The following TCERG1 variants were observed in gnomAD, a reference collection of about 807,000 sequenced individuals.
The protein encoded by TCERG1 is TATA box binding protein (TBP)-associated factor, RNA polymerase II, S, 150kD.
TCERG1 carries 37 observed loss-of-function variants against 144.7 expected under a neutral mutation model. That is an observed-to-expected ratio of 0.26 (90% CI 0.20 to 0.34). The LOEUF is 0.34. Ranked by LOEUF, TCERG1 falls within the 10% of genes least tolerant of loss-of-function variation. The pLI, the probability that TCERG1 is intolerant of heterozygous loss-of-function variation, is 1.00. For synonymous variants in TCERG1, 492 were observed against 458.2 expected (o/e 1.07, Z -0.94); for missense variants, 1,027 against 1,380.7 (o/e 0.74, Z 4.06).
chr5:146,458,541 C>T (rs959652033), intron 3 of TCERG1, among the ~76,000 whole-genome samples: 3 of 151,290 alleles, frequency 2.0e-5, no homozygotes, highest in Non-Finnish European at 2.9e-5. Context: ...GGTATGATCT[C>T]GGCGCACTGC....
At chr5:146,508,995 A>G (rs1317648299) in intron 21 of TCERG1, 150 bp from the exon 22 acceptor site, 2 of 460,476 alleles carry the variant, frequency 4.3e-6, no homozygotes, top group African/African-American at 2.0e-5. Context: ...AATTTTATAT[A>G]TGAACAAAAT....
In TCERG1 at chr5:146,473,754, A is replaced by G. The variant is rs546838709; in HGVS notation, c.1601+2178A>G. ...GGATAACAGCATATCTGTTGATAGC[A>G]TGGTTTACTGAGTTAAGCCCACTGT... On this transcript the variant is annotated intron_variant, in intron 9 of 22. Coordinates refer to ENST00000679501, the MANE Select transcript of TCERG1 (RefSeq NM_001382548.1). Among the ~76,000 whole-genome samples, 69 of 152,304 alleles carry G rather than the reference A, an allele frequency of 4.5e-4. 1 individual carries two copies. The South Asian group carries it at 0.014, about 31-fold the overall frequency.
At chr5:146,505,106 G>T (rs1175207005) in intron 19 of TCERG1, among the ~76,000 whole-genome samples, 1 of 143,478 alleles carries the variant, frequency 7.0e-6, no homozygotes, top group South Asian at 2.2e-4. Context: ...AAAAAAAAAA[G>T]GACAAAAACA....
At chr5:146,458,395 C>T (rs561593544) in intron 3 of TCERG1, among the ~76,000 whole-genome samples, 6 of 151,880 alleles carry the variant, frequency 4.0e-5, no homozygotes, top group African/African-American at 1.4e-4. Flanking sequence ...CCAGGTTGGT[C>T]TCAAACTCCT....
At position 146,507,075 on chromosome 5, in the gene TCERG1, A is replaced by T. The variant is rs1374539434; in HGVS notation, c.2829A>T (p.Arg943=). Residue 943 remains arginine, a synonymous_variant, in exon 20 of 23, where the codon CGA becomes CGT. Coordinates refer to ENST00000679501, the MANE Select transcript of TCERG1 (RefSeq NM_001382548.1). This position sits in a 1 kb window ranked among gnomAD's most constrained non-coding sequence, Gnocchi z 4.6. ...VSWSDTRRTL[R]KDHRWESGSL... is the part of the protein sequence containing the mutation. ...GGTCTGATACTCGTAGGACCCTCCG[A>T]AAAGATCACCGCTGGGAATCTGGAT... The T allele has an allele frequency of 6.2e-7, 1 of 1,612,328 alleles. No homozygotes were observed. The highest frequency in any genetic ancestry group is 2.2e-5 in the East Asian group (1 of 44,840).
At chr5:146,479,506 A>T (rs1303642584) in intron 10 of TCERG1, among the ~76,000 whole-genome samples, 1 of 152,162 alleles carries the variant, frequency 6.6e-6, no homozygotes, top group Non-Finnish European at 1.5e-5. Flanking sequence ...TTGAAACAAT[A>T]TGTGATTTTC....
Position 146,507,028 on chromosome 5 carries a change from G to T in TCERG1, c.2782G>T (p.Val928Leu). 2 of 1,567,206 alleles carry T rather than the reference G, an allele frequency of 1.3e-6. No individual in the cohort carries two copies. Among genetic ancestry groups the T allele is most frequent in the Non-Finnish European group, 1.7e-6 (2 of 1,163,668 alleles). Residue 928 changes from valine (V) to leucine (L), a missense_variant and splice_region_variant, in exon 20 of 23, where the codon GTA (valine) becomes TTA (leucine). By Grantham distance (32) the Val-to-Leu change is conservative. Transcript: ENST00000679501. The surrounding 1 kb of genome is among the most constrained non-coding windows in gnomAD (Gnocchi z 4.6). ...TATATATATAATTTTTTCTCTTCAG[G>T]TACGTTCTTCAGATGTGTCATGGTC... ...QNFKALLSDM[V>L]RSSDVSWSDT...
rs1489423421 is a variant in TCERG1 at position 146,498,664 on chromosome 5, A to T, written c.2411A>T (p.Asp804Val). ...GCTGCTAGGAAGAAAGAGAAAGAAGATTCGAAGACCAGAGGTGAGAAGGTA... is the reference window on the plus strand; with the variant it reads ...GCTGCTAGGAAGAAAGAGAAAGAAGTTTCGAAGACCAGAGGTGAGAAGGTA... ...VAAARKKEKE[D>V]SKTRGEKIKS... is the part of the protein sequence containing the mutation. Residue 804 changes from aspartate (D) to valine (V), a missense_variant, in exon 17 of 23, where the codon GAT becomes GTT. By Grantham distance (152) the Asp-to-Val change is radical. This residue lies in a region of TCERG1 where 482 missense variants were observed against 632.6 expected (regional missense o/e 0.76). Transcript: ENST00000679501. 1 of 1,611,790 alleles carries T rather than the reference A, an allele frequency of 6.2e-7. No individual in the cohort carries two copies. Among genetic ancestry groups the T allele is most frequent in the Non-Finnish European group, 8.5e-7 (1 of 1,179,100 alleles).
At chr5:146,479,977 A>G in intron 11 of TCERG1, 51 bp from the exon 12 acceptor site, 1 of 1,599,990 alleles carries the variant, frequency 6.3e-7, no homozygotes, top group Non-Finnish European at 8.5e-7. Context: ...TCTGGTAGTG[A>G]TTAGCAGAAG....
At chr5:146,493,391 T>A (rs925476960) in intron 16 of TCERG1, among the ~76,000 whole-genome samples, 2 of 152,066 alleles carry the variant, frequency 1.3e-5, no homozygotes, top group African/African-American at 4.8e-5. Context: ...AAGGACCTTT[T>A]ACCACTTCAA....
intron 1 of TCERG1, among the ~76,000 whole-genome samples, chr5:146,452,835 G>A (rs535550132): frequency 2.0e-5 from 3 of 152,228 alleles, no homozygotes; most frequent in East Asian, 3.9e-4. Context: ...CAAATGATCT[G>A]CCTGCCTTGG....
intron 15 of TCERG1, among the ~76,000 whole-genome samples, chr5:146,490,390 T>C (rs1024144383): frequency 1.3e-5 from 2 of 152,254 alleles, no homozygotes; most frequent in Admixed American, 1.3e-4. Context: ...CTTTTCCTTT[T>C]TGTAGCTTCT....
intron 1 of TCERG1, among the ~76,000 whole-genome samples, chr5:146,449,202 G>A (rs944857471): frequency 1.2e-4 from 18 of 152,214 alleles, no homozygotes; most frequent in African/African-American, 4.1e-4. Flanking sequence ...TGTCATAACC[G>A]CCTGGCAAAT....
At chr5:146,508,121 A>G (rs1768168407) in intron 21 of TCERG1, among the ~76,000 whole-genome samples, 165 bp downstream of exon 21, 1 of 152,226 alleles carries the variant, frequency 6.6e-6, no homozygotes, top group Non-Finnish European at 1.5e-5. Flanking sequence ...TGTTTCTTGC[A>G]TGATAAATTA....
intron 4 of TCERG1, among the ~76,000 whole-genome samples, chr5:146,461,519 C>A (rs1581405211): frequency 1.3e-5 from 2 of 152,048 alleles, no homozygotes; most frequent in Non-Finnish European, 2.9e-5. Flanking sequence ...TATTTTATTG[C>A]TTTTGTTCTT....
chr5:146,464,211 T>C (rs1763580591), intron 5 of TCERG1, among the ~76,000 whole-genome samples: 1 of 152,224 alleles, frequency 6.6e-6, no homozygotes, highest in African/African-American at 2.4e-5. Context: ...CTTTAATTTT[T>C]ACAACCCATG....
chr5:146,456,423 A>G (rs1762841927), intron 2 of TCERG1, among the ~76,000 whole-genome samples: 1 of 152,212 alleles, frequency 6.6e-6, no homozygotes, highest in African/African-American at 2.4e-5. Context: ...GATACTTTCT[A>G]ATGTTGTCAT....
chr5:146,499,287 G>A (rs916046930), intron 17 of TCERG1, among the ~76,000 whole-genome samples: 1 of 152,110 alleles, frequency 6.6e-6, no homozygotes, highest in African/African-American at 2.4e-5. Flanking sequence ...TAGTGTCCTG[G>A]TATGCTTTGT....
Position 146,509,195 on chromosome 5 carries a change from C to G in TCERG1, c.3096C>G (p.Ala1032=). The G allele has an allele frequency of 6.2e-7, 1 of 1,608,632 alleles. No homozygotes were observed. ...EEYIRDKYIT[A]KADFRTLLKE... ...ATATCAGAGACAAATATATCACAGCCAAAGCTGACTTCAGGACGCTTTTGA... is the reference window on the plus strand; with the variant it reads ...ATATCAGAGACAAATATATCACAGCGAAAGCTGACTTCAGGACGCTTTTGA... Residue 1032 remains alanine, a synonymous_variant, in exon 22 of 23, where the codon GCC becomes GCG. Coordinates refer to ENST00000679501, the MANE Select transcript of TCERG1 (RefSeq NM_001382548.1).
Sources: allele counts gnomAD v4.1 joint callset (sites outside exome capture counted in the v4.1 genomes callset), GRCh38; gene constraint gnomAD v4.1.1; regional missense constraint gnomAD v4.1.1; non-coding constraint Gnocchi (gnomAD v3.1); transcripts MANE v1.5; gene names NCBI Gene and HGNC (gene_info 2026-07-23, HGNC 2026-07-21).